The following ZNRF3 variants were observed in gnomAD, a reference collection of about 807,000 sequenced individuals.
ZNRF3 encodes E3 ubiquitin-protein ligase ZNRF3.
ZNRF3 carries 23 observed loss-of-function variants against 72.5 expected under a neutral mutation model. The observed-to-expected ratio is 0.32, with a 90% CI of 0.23 to 0.45. ZNRF3 has a LOEUF of 0.45. Among genes scored for constraint, ZNRF3 ranks in the 20% least tolerant of loss-of-function variants. ZNRF3 has a pLI of 1.00. For synonymous variants in ZNRF3, 610 were observed against 545.3 expected (o/e 1.12, Z -1.65); for missense variants, 1,169 against 1,272.1 (o/e 0.92, Z 1.23).
chr22:28,911,050 A>G (rs550714567), intron 1 of ZNRF3, among the ~76,000 whole-genome samples: 21 of 152,250 alleles, frequency 1.4e-4, no homozygotes, highest in Non-Finnish European at 2.8e-4. Flanking sequence ...AGTGGGATCT[A>G]TTGGATTCAG....
chr22:28,915,497 T>G (rs1162160937), intron 1 of ZNRF3, among the ~76,000 whole-genome samples: 2 of 152,202 alleles, frequency 1.3e-5, no homozygotes, highest in African/African-American at 4.8e-5. Context: ...ACAGAGCCAT[T>G]AAGACATGAT....
At chr22:28,909,235 CTT>C (rs1329421933) in intron 1 of ZNRF3, among the ~76,000 whole-genome samples, 2 of 152,174 alleles carry the variant, frequency 1.3e-5, no homozygotes, top group East Asian at 3.9e-4. Context: ...TGAAGAAAGT[CTT>C]TTGATTTTGA....
At chr22:28,968,631 C>T (rs905009956) in intron 1 of ZNRF3, among the ~76,000 whole-genome samples, 9 of 152,170 alleles carry the variant, frequency 5.9e-5, no homozygotes, top group Non-Finnish European at 1.2e-4. Flanking sequence ...ATGGCTTGAA[C>T]CCGGGAGGCG....
intron 1 of ZNRF3, among the ~76,000 whole-genome samples, chr22:28,918,303 C>A (rs775888327): frequency 6.6e-6 from 1 of 152,160 alleles, no homozygotes; most frequent in African/African-American, 2.4e-5. Context: ...TTAGGAGAAG[C>A]GGTGAAGGGT....
chr22:28,971,071 C>A (rs1399321628), intron 1 of ZNRF3, among the ~76,000 whole-genome samples: 1 of 152,144 alleles, frequency 6.6e-6, no homozygotes, highest in African/African-American at 2.4e-5. Flanking sequence ...AGCCTGTAGT[C>A]CCCGCAAGTT....
intron 1 of ZNRF3, among the ~76,000 whole-genome samples, chr22:28,979,797 C>G (rs974370235): frequency 6.6e-6 from 1 of 152,168 alleles, no homozygotes; most frequent in Non-Finnish European, 1.5e-5. Flanking sequence ...TGAAAGGGGA[C>G]TTCTGAATAA....
intron 2 of ZNRF3, among the ~76,000 whole-genome samples, chr22:28,995,069 G>A (rs1003456596): frequency 2.0e-5 from 3 of 152,190 alleles, no homozygotes; most frequent in Non-Finnish European, 4.4e-5. Context: ...GAATTTCGGG[G>A]AAGGGAAGAC....
rs1569300897 is a variant in ZNRF3, at chr22:29,054,730, C to G, written c.*1108C>G. On this transcript the variant is annotated 3_prime_UTR_variant, in exon 9 of 9. Coordinates refer to ENST00000544604, the MANE Select transcript of ZNRF3 (RefSeq NM_001206998.2). ...ACACCCATGTGCAGTGCGCCTGCAT[C>G]TGTGTGGGGGCAGCCACACCCCTTG... 1 of 152,780 alleles carries G rather than the reference C, an allele frequency of 6.5e-6. No homozygotes were observed. The highest frequency in any genetic ancestry group is 1.9e-4 in the East Asian group (1 of 5,200). 9.5% of individuals were successfully genotyped at this position (152,780 alleles called of 1,614,324 possible).
Position 29,048,813 on chromosome 22 carries a change from G to A in ZNRF3, c.1015+322G>A, listed in dbSNP as rs1365254335. On this transcript the variant is annotated intron_variant, in intron 7 of 8. Coordinates refer to ENST00000544604, the MANE Select transcript of ZNRF3 (RefSeq NM_001206998.2). The surrounding 1 kb of genome is among the most constrained non-coding windows in gnomAD (Gnocchi z 4.9). Reference sequence around the variant, plus strand: ...TGTTTGCCCACACCCAGTACCATGGGGGTGTTCCTAGGACCACGAGAGACG... The same window carrying A: ...TGTTTGCCCACACCCAGTACCATGGAGGTGTTCCTAGGACCACGAGAGACG... 6.6e-6 allele frequency among the ~76,000 whole-genome samples: 1 copy of A among 152,212 alleles called. No individual in the cohort carries two copies. Among genetic ancestry groups the A allele is most frequent in the Non-Finnish European group, 1.5e-5 (1 of 68,028 alleles).
intron 1 of ZNRF3, among the ~76,000 whole-genome samples, chr22:28,913,056 T>G (rs1282358589): frequency 2.0e-5 from 3 of 152,240 alleles, no homozygotes; most frequent in Non-Finnish European, 4.4e-5. Flanking sequence ...TTTAGAACAT[T>G]GGGTACACTT....
intron 1 of ZNRF3, among the ~76,000 whole-genome samples, chr22:28,900,080 T>C (rs1387023042): frequency 6.6e-6 from 1 of 152,156 alleles, no homozygotes; most frequent in Non-Finnish European, 1.5e-5. Context: ...GACCTTCTTC[T>C]CTCAACTCCT....
At chr22:28,887,220 AAGAGAG>A (rs67943780) in intron 1 of ZNRF3, among the ~76,000 whole-genome samples, 8,817 of 147,966 alleles carry the variant, frequency 0.06, 323 homozygotes, top group African/African-American at 0.092. Context: ...TATGCCAACG[AAGAGAG>A]AGAGAGAGAG....
At chr22:28,981,498 A>G (rs749939500) in intron 1 of ZNRF3, among the ~76,000 whole-genome samples, 2 of 152,236 alleles carry the variant, frequency 1.3e-5, no homozygotes, top group Non-Finnish European at 2.9e-5. Context: ...TTTAGGGCCT[A>G]GTATTTCTTA....
At chr22:28,960,820 A>G (rs1027179102) in intron 1 of ZNRF3, among the ~76,000 whole-genome samples, 10 of 152,022 alleles carry the variant, frequency 6.6e-5, no homozygotes, top group African/African-American at 2.4e-4. Context: ...AGCAATTCCA[A>G]TTCCACTAGT....
intron 1 of ZNRF3, among the ~76,000 whole-genome samples, chr22:28,903,146 G>T (rs1181911198): frequency 6.6e-6 from 1 of 152,104 alleles, no homozygotes; most frequent in Non-Finnish European, 1.5e-5. Flanking sequence ...TGGGAGGGAC[G>T]CTTTGCTGCA....
At position 28,883,779 on chromosome 22, in the gene ZNRF3, T is replaced by C. The variant is rs903174395; in HGVS notation, c.13T>C (p.Ser5Pro). 244 of 974,106 alleles carry C rather than the reference T, an allele frequency of 2.5e-4. No individual in the cohort carries two copies. Among genetic ancestry groups the C allele is most frequent in the Admixed American group, 3.9e-4 (6 of 15,266 alleles). The allele number at this position is 974,106 out of a possible 1,614,324, so 60.3% of individuals were successfully genotyped here. The change falls in exon 1 of 9, where the codon TCG (serine) becomes CCG (proline). Residue 5 changes from serine (S) to proline (P), a missense_variant. Coordinates refer to ENST00000544604, the MANE Select transcript of ZNRF3 (RefSeq NM_001206998.2). This position sits in a 1 kb window ranked among gnomAD's most constrained non-coding sequence, Gnocchi z 5.5. MRPR[S>P]GGRPGATGRR... Reference sequence around the variant, plus strand: ...CCGCCGCAGGACCATGAGGCCGCGCTCGGGCGGGCGCCCAGGGGCCACGGG... The same window carrying C: ...CCGCCGCAGGACCATGAGGCCGCGCCCGGGCGGGCGCCCAGGGGCCACGGG...
chr22:28,940,804 G>A (rs1345160235), intron 1 of ZNRF3, among the ~76,000 whole-genome samples: 6 of 152,058 alleles, frequency 3.9e-5, no homozygotes, highest in Non-Finnish European at 7.4e-5. Flanking sequence ...ACTCTCCTCC[G>A]TAATTTACTA....
intron 1 of ZNRF3, among the ~76,000 whole-genome samples, chr22:28,971,125 G>T (rs145971670): frequency 6.6e-6 from 1 of 152,256 alleles, no homozygotes; most frequent in African/African-American, 2.4e-5. Context: ...GGAGTTTGAG[G>T]CTGCAGTGAG....
rs543837611 is a variant in ZNRF3 at position 29,008,583 on chromosome 22, G to T, written c.426+21382G>T. 1.2e-3 allele frequency among the ~76,000 whole-genome samples: 178 copies of T among 152,312 alleles called. 1 individual carries two copies. The highest frequency in any genetic ancestry group is 2.1e-3 in the Non-Finnish European group (142 of 68,022). On this transcript the variant is annotated intron_variant, in intron 2 of 8. Coordinates refer to ENST00000544604, the MANE Select transcript of ZNRF3 (RefSeq NM_001206998.2). ...AGCATCAAGGCCATCTAACTTCAAG[G>T]CTGAATGAATGAGTTCTGTTTTCCT...
Sources: allele counts gnomAD v4.1 joint callset (sites outside exome capture counted in the v4.1 genomes callset), GRCh38; gene constraint gnomAD v4.1.1; non-coding constraint Gnocchi (gnomAD v3.1); transcripts MANE v1.5; gene names NCBI Gene and HGNC (gene_info 2026-07-23, HGNC 2026-07-21).